NME7: variants seen among roughly 807,000 people sequenced by gnomAD.
NME7 encodes the protein NME/NM23 family member 7, also known as nucleoside diphosphate kinase 7.
Under a neutral mutation model 49.1 loss-of-function variants are expected in NME7, and 41 were observed. The observed-to-expected ratio is 0.83, with a 90% CI of 0.65 to 1.08. NME7 has a LOEUF of 1.08. NME7 is among the 50% of genes least tolerant of loss of function. The pLI is 0.00. For missense variants in NME7, 423 were observed against 463.4 expected, an observed-to-expected ratio of 0.91 and a Z score of 0.80; for synonymous variants, 139 against 150.6, an observed-to-expected ratio of 0.92 and a Z score of 0.56.
At chr1:169,168,629 C>T (rs1293201588) in intron 11 of NME7, among the ~76,000 whole-genome samples, 3 of 151,982 alleles carry the variant, frequency 2.0e-5, no homozygotes, top group African/African-American at 7.3e-5. Context: ...AACAGTTGAC[C>T]CTTAAACAGT....
intron 11 of NME7, among the ~76,000 whole-genome samples, chr1:169,164,561 G>A (rs1472541346): frequency 6.6e-6 from 1 of 152,184 alleles, no homozygotes; most frequent in Non-Finnish European, 1.5e-5. Context: ...GGAGTACAGA[G>A]CTATTTTGAC....
At chr1:169,204,898 T>C (rs1177070967) in intron 10 of NME7, among the ~76,000 whole-genome samples, 1 of 152,126 alleles carries the variant, frequency 6.6e-6, no homozygotes, top group Non-Finnish European at 1.5e-5. Context: ...TCTTTACAGA[T>C]GGTGTAATTC....
Position 169,258,988 on chromosome 1 carries a change from G to A in NME7, c.755-21301C>T, listed in dbSNP as rs1649073815. ...ACACTAACGTTTCAGAACCATTACT[G>A]CGAGTAAGGTCTCTGAGAACAACAA... On this transcript the variant is annotated intron_variant, in intron 7 of 11. Transcript: ENST00000367811. 3.0e-5 allele frequency among the ~76,000 whole-genome samples: 4 copies of A among 133,432 alleles called. 1 individual carries two copies. Among genetic ancestry groups the A allele is most frequent in the Non-Finnish European group, 7.0e-5 (4 of 56,832 alleles). 87.5% of individuals were successfully genotyped at this position (133,432 alleles called of 152,430 possible). A position where few individuals can be genotyped will look rare whatever the true frequency, so the allele number is the denominator to read the frequency against.
At chr1:169,161,340 CTTT>C (rs1659236259) in intron 11 of NME7, among the ~76,000 whole-genome samples, 1 of 152,212 alleles carries the variant, frequency 6.6e-6, no homozygotes, top group South Asian at 2.1e-4. Context: ...AACTCTTCTT[CTTT>C]CAAGATAGAA....
chr1:169,202,744 C>A (rs996679424), intron 10 of NME7, among the ~76,000 whole-genome samples: 4 of 152,110 alleles, frequency 2.6e-5, no homozygotes, highest in African/African-American at 9.7e-5. Flanking sequence ...TACCAACAGG[C>A]TAGGAAGCAT....
intron 2 of NME7, 101 bp from the exon 3 acceptor site, chr1:169,323,384 T>C: frequency 1.1e-6 from 1 of 952,146 alleles, no homozygotes; most frequent in Non-Finnish European, 1.5e-6. Flanking sequence ...TTCTGTCTTA[T>C]CAAAGATAGG....
chr1:169,282,596 T>A lies in NME7; in HGVS notation c.754+4707A>T, dbSNP rs1650069478. 2.0e-5 allele frequency among the ~76,000 whole-genome samples: 3 copies of A among 152,120 alleles called. No individual in the cohort carries two copies. In the South Asian group the frequency reaches 6.2e-4, roughly 32 times the overall value. On this transcript the variant is annotated intron_variant, in intron 7 of 11. Coordinates refer to ENST00000367811, the MANE Select transcript of NME7 (RefSeq NM_013330.5). Reference sequence around the variant, plus strand: ...CTCTTGTGGGCATTTAGAGCTATAATTTTCCATCTAAAGACTACTTTAAAT... The same window carrying A: ...CTCTTGTGGGCATTTAGAGCTATAAATTTCCATCTAAAGACTACTTTAAAT...
chr1:169,316,842 T>C (rs536138323), intron 3 of NME7, among the ~76,000 whole-genome samples: 1 of 152,258 alleles, frequency 6.6e-6, no homozygotes, highest in Non-Finnish European at 1.5e-5. Flanking sequence ...CTGATTGGAC[T>C]TCTGACAGAA....
At chr1:169,272,823 G>C (rs1571343461) in intron 7 of NME7, among the ~76,000 whole-genome samples, 1 of 132,858 alleles carries the variant, frequency 7.5e-6, no homozygotes, top group African/African-American at 2.5e-5. Context: ...TAATGGCATT[G>C]CTGGGTCAAA....
chr1:169,255,117 C>G (rs1281592744), intron 7 of NME7, among the ~76,000 whole-genome samples: 1 of 135,188 alleles, frequency 7.4e-6, no homozygotes, highest in Admixed American at 7.3e-5. Context: ...CCTGGGTATC[C>G]TTGTTGACTT....
chr1:169,143,273 C>CTT (rs71299493), intron 11 of NME7, among the ~76,000 whole-genome samples: 15 of 98,198 alleles, frequency 1.5e-4, no homozygotes, highest in South Asian at 7.1e-4. Context: ...TCACCTCAGG[C>CTT]TTTTTTTTTT....
intron 7 of NME7, among the ~76,000 whole-genome samples, chr1:169,239,499 G>T (rs1647994749): frequency 6.6e-6 from 1 of 151,862 alleles, no homozygotes. Context: ...ATTAATAAGG[G>T]GAAAGACACT....
chr1:169,140,106 A>G (rs887888601), intron 11 of NME7, among the ~76,000 whole-genome samples: 2 of 152,224 alleles, frequency 1.3e-5, no homozygotes, highest in Admixed American at 6.5e-5. Context: ...TCTATAACAT[A>G]CTGTTAAATA....
intron 11 of NME7, among the ~76,000 whole-genome samples, chr1:169,161,401 C>A (rs560483795): frequency 1.3e-5 from 2 of 152,294 alleles, no homozygotes; most frequent in African/African-American, 2.4e-5. Context: ...CAGAGGCCTG[C>A]GTTAATCACG....
Position 169,271,499 on chromosome 1 carries a change from C to T in NME7, c.754+15804G>A, listed in dbSNP as rs1480634632. 3.0e-5 allele frequency among the ~76,000 whole-genome samples: 4 copies of T among 133,368 alleles called. 1 individual carries two copies. Among genetic ancestry groups the T allele is most frequent in the Admixed American group, 7.5e-5 (1 of 13,406 alleles). The allele number at this position is 133,368 out of a possible 152,430, so 87.5% of individuals were successfully genotyped here. A position where few individuals can be genotyped will look rare whatever the true frequency, so the allele number is the denominator to read the frequency against. On this transcript the variant is annotated intron_variant, in intron 7 of 11. Coordinates refer to ENST00000367811, the MANE Select transcript of NME7 (RefSeq NM_013330.5). The stretch of plus-strand genomic sequence containing the variant: ...ACCATTATTATATCATGAACGCTGT[C>T]GTCTCAATCAGACGACTGCATTGAA...
intron 9 of NME7, among the ~76,000 whole-genome samples, chr1:169,231,327 A>C (rs1647609337): frequency 6.6e-6 from 1 of 152,184 alleles, no homozygotes; most frequent in South Asian, 2.1e-4. Flanking sequence ...ATGACCCCTG[A>C]AAGTATGGAA....
At chr1:169,160,000 C>T (rs951607808) in intron 11 of NME7, among the ~76,000 whole-genome samples, 2 of 152,154 alleles carry the variant, frequency 1.3e-5, no homozygotes, top group Admixed American at 1.3e-4. Context: ...ACTTACATAT[C>T]TCTAGTGACT....
At chr1:169,173,128 T>C (rs1659651970) in intron 10 of NME7, among the ~76,000 whole-genome samples, 1 of 152,218 alleles carries the variant, frequency 6.6e-6, no homozygotes, top group African/African-American at 2.4e-5. Flanking sequence ...TTAACAGTTG[T>C]GTGACCACAC....
rs184848736 is a variant in NME7 at position 169,323,378 on chromosome 1, G to C, written c.112-95C>G. On this transcript the variant is annotated intron_variant, in intron 2 of 11. Transcript: ENST00000367811. The stretch of plus-strand genomic sequence containing the variant: ...TAAGGTAGAAATAATTCTTAATTCT[G>C]TCTTATCAAAGATAGGTTATATTCT... 7.3e-3 allele frequency: 7,425 copies of C among 1,023,160 alleles called. 48 individuals are homozygous for C. Among genetic ancestry groups the C allele is most frequent in the Non-Finnish European group, 8.5e-3 (6,384 of 748,640 alleles). The allele number at this position is 1,023,160 out of a possible 1,614,324, so 63.4% of individuals were successfully genotyped here. A position where few individuals can be genotyped will look rare whatever the true frequency, so the allele number is the denominator to read the frequency against.
Sources: gnomAD v4.1 joint callset for allele counts (sites outside exome capture counted in the v4.1 genomes callset) on GRCh38, gnomAD v4.1.1 for gene constraint, MANE v1.5 for transcripts, NCBI Gene and HGNC (gene_info 2026-07-23, HGNC 2026-07-21) for gene names.